The following ZMIZ2 variants were observed in gnomAD, a reference collection of about 807,000 sequenced individuals.
ZMIZ2 encodes zinc finger MIZ-type containing 2, also known as zinc finger MIZ domain-containing protein 2.
In ZMIZ2, 26 loss-of-function variants were observed where a neutral mutation model predicts 93.9. That is an observed-to-expected ratio of 0.28 (90% confidence interval 0.20 to 0.38). ZMIZ2 has a LOEUF of 0.38. Among genes scored for constraint, ZMIZ2 ranks in the 10% least tolerant of loss-of-function variants. The probability of loss-of-function intolerance (pLI) is 1.00; values close to 1 mark genes in which losing one functional copy is unlikely to be tolerated. For synonymous variants in ZMIZ2, 485 were observed against 516.4 expected, an observed-to-expected ratio of 0.94 and a Z score of 0.82; for missense variants, 1,023 against 1,235.0, an observed-to-expected ratio of 0.83 and a Z score of 2.57.
chr7:44,762,595 G>C (rs1791313314), intron 11 of ZMIZ2, among the ~76,000 whole-genome samples: 1 of 152,224 alleles, frequency 6.6e-6, no homozygotes, highest in Non-Finnish European at 1.5e-5. Context: ...TTCTCTTCAT[G>C]GAGAAGTGGT....
At position 44,769,375 on chromosome 7, in the gene ZMIZ2, CTG is replaced by C. The variant is rs1791987359; in HGVS notation, c.*1753_*1754del. 2 of 152,808 alleles carry C rather than the reference CTG, an allele frequency of 1.3e-5. No homozygotes were observed. The highest frequency in any genetic ancestry group is 2.9e-5 in the Non-Finnish European group (2 of 68,272). 9.5% of individuals were successfully genotyped at this position (152,808 alleles called of 1,614,324 possible). On this transcript the variant is annotated 3_prime_UTR_variant, in exon 19 of 19. Coordinates refer to ENST00000309315, the MANE Select transcript of ZMIZ2 (RefSeq NM_031449.4). ...GCAGGGAGGAGGAGGAGGGAGGTAT[CTG>C]GTGTGAGCGTTGCCCCTGCGACATT... is the stretch of plus-strand genomic sequence containing the variant.
At chr7:44,755,484 A>G (rs1790512278) in intron 1 of ZMIZ2, among the ~76,000 whole-genome samples, 1 of 151,954 alleles carries the variant, frequency 6.6e-6, no homozygotes, top group Non-Finnish European at 1.5e-5. Flanking sequence ...CCCTTCTACT[A>G]CCCTAAAGAG....
At chr7:44,759,525 TG>T in intron 7 of ZMIZ2, 65 bp downstream of exon 7, 1 of 1,264,258 alleles carries the variant, frequency 7.9e-7, no homozygotes, top group Non-Finnish European at 1.0e-6. Flanking sequence ...CAGGGGACCT[TG>T]GGGCAGTCCT....
rs1028974607 is a variant in ZMIZ2 at position 44,756,971 on chromosome 7, G to A, written c.190G>A (p.Ala64Thr). 1.2e-6 allele frequency: 2 copies of A among 1,612,016 alleles called. No homozygotes were observed. Among genetic ancestry groups the A allele is most frequent in the Non-Finnish European group, 8.5e-7 (1 of 1,179,348 alleles). Reference protein sequence around the residue: ...SQVLGNPMGPAGSPSGSSMMP... With the variant: ...SQVLGNPMGPTGSPSGSSMMP... The stretch of plus-strand genomic sequence containing the variant: ...GGTTTTGGGGAACCCCATGGGCCCT[G>A]CAGGGAGTCCCTCTGGCAGCTCCAT... Residue 64 changes from alanine to threonine, a missense_variant, in exon 4 of 19, where the codon GCA (alanine) becomes ACA (threonine). Around this residue, in one of 3 missense-constraint regions of ZMIZ2, gnomAD observed 656 missense variants for 777.1 expected, o/e 0.84. Transcript: ENST00000309315.
rs1791982606 is a variant in ZMIZ2, at chr7:44,769,313, C to G, written c.*1690C>G. 6.5e-6 allele frequency: 1 copy of G among 152,782 alleles called. No individual in the cohort carries two copies. Among genetic ancestry groups the G allele is most frequent in the African/African-American group, 2.4e-5 (1 of 41,452 alleles). The allele number at this position is 152,782 out of a possible 1,614,324, so 9.5% of individuals were successfully genotyped here. ...CGGCCAAGGCCTGCCCCTGGAGGCA[C>G]TAGAGGAGGGCATCTGTCTGTGGGA... On this transcript the variant is annotated 3_prime_UTR_variant, in exon 19 of 19. Coordinates refer to ENST00000309315, the MANE Select transcript of ZMIZ2 (RefSeq NM_031449.4).
At chr7:44,762,742 C>A in intron 11 of ZMIZ2, 139 bp from the exon 12 acceptor site, 3 of 578,846 alleles carry the variant, frequency 5.2e-6, no homozygotes, top group South Asian at 2.8e-5. Flanking sequence ...TGAATCCCCA[C>A]CCCCAGCTCA....
Position 44,761,383 on chromosome 7 carries a change from C to T in ZMIZ2, c.1241-66C>T. 2.5e-6 allele frequency: 4 copies of T among 1,574,928 alleles called. No homozygotes were observed. The highest frequency in any genetic ancestry group is 1.7e-4 in the Middle Eastern group (1 of 5,902). The stretch of plus-strand genomic sequence containing the variant: ...AAGGTGGCTGGGGAGCCGCTGCCCT[C>T]CTTGAGTGACACAAGACGCTCTGGC... On this transcript the variant is annotated intron_variant, in intron 9 of 18. Coordinates refer to ENST00000309315, the MANE Select transcript of ZMIZ2 (RefSeq NM_031449.4). This position sits in a 1 kb window ranked among gnomAD's most constrained non-coding sequence, Gnocchi z 5.8.
rs1791855285 is a variant in ZMIZ2, at chr7:44,767,628, G to A, written c.*5G>A. ...TCTCTGTTTGAGAACAACTGATCCTGTGTTTACCCCAAGCCCGGCGGGGAC... is the reference window on the plus strand; with the variant it reads ...TCTCTGTTTGAGAACAACTGATCCTATGTTTACCCCAAGCCCGGCGGGGAC... On this transcript the variant is annotated 3_prime_UTR_variant, in exon 19 of 19. Coordinates refer to ENST00000309315, the MANE Select transcript of ZMIZ2 (RefSeq NM_031449.4). 6.2e-7 allele frequency: 1 copy of A among 1,613,560 alleles called. No homozygotes were observed. Among genetic ancestry groups the A allele is most frequent in the Non-Finnish European group, 8.5e-7 (1 of 1,179,574 alleles).
Position 44,761,345 on chromosome 7 carries a change from G to A in ZMIZ2, c.1241-104G>A, listed in dbSNP as rs554212826. 1.2e-5 allele frequency: 18 copies of A among 1,517,448 alleles called. No individual in the cohort carries two copies. The African/African-American group carries it at 2.5e-4, about 21-fold the overall frequency. The allele number at this position is 1,517,448 out of a possible 1,614,324, so 94.0% of individuals were successfully genotyped here. A position where few individuals can be genotyped will look rare whatever the true frequency, so the allele number is the denominator to read the frequency against. ...TGACAGGAGGGGCTCCCTTCACCAAGGTCCCTGCGGGGAAGGTGGCTGGGG... is the reference window on the plus strand; with the variant it reads ...TGACAGGAGGGGCTCCCTTCACCAAAGTCCCTGCGGGGAAGGTGGCTGGGG... On this transcript the variant is annotated intron_variant, in intron 9 of 18. Coordinates refer to ENST00000309315, the MANE Select transcript of ZMIZ2 (RefSeq NM_031449.4). The surrounding 1 kb of genome is among the most constrained non-coding windows in gnomAD (Gnocchi z 5.8).
At position 44,766,716 on chromosome 7, in the gene ZMIZ2, G is replaced by A. The variant is rs1791748071; in HGVS notation, c.2655+53G>A. Reference sequence around the variant, plus strand: ...TGCGTGGGAGCCAGGGCTAGAGGTGGTGTGTCTGTTCCAGGTGCGTTCTGG... The same window carrying A: ...TGCGTGGGAGCCAGGGCTAGAGGTGATGTGTCTGTTCCAGGTGCGTTCTGG... On this transcript the variant is annotated intron_variant, in intron 18 of 18. Coordinates refer to ENST00000309315, the MANE Select transcript of ZMIZ2 (RefSeq NM_031449.4). This position sits in a 1 kb window ranked among gnomAD's most constrained non-coding sequence, Gnocchi z 4.4. 2 of 1,599,824 alleles carry A rather than the reference G, an allele frequency of 1.3e-6. No individual in the cohort carries two copies. Among genetic ancestry groups the A allele is most frequent in the African/African-American group, 2.7e-5 (2 of 74,544 alleles).
Position 44,763,002 on chromosome 7 carries a change from C to T in ZMIZ2, c.1702+16C>T. On this transcript the variant is annotated intron_variant, in intron 12 of 18. Transcript: ENST00000309315. The surrounding 1 kb of genome is among the most constrained non-coding windows in gnomAD (Gnocchi z 5.6). The stretch of plus-strand genomic sequence containing the variant: ...ATCACCAAGAGTGAGTGGCTCCTGC[C>T]CCTCAGCTGCCAGGCAGCCATCCCC... 6.2e-7 allele frequency: 1 copy of T among 1,600,168 alleles called. No individual in the cohort carries two copies. Among genetic ancestry groups the T allele is most frequent in the South Asian group, 1.1e-5 (1 of 90,236 alleles).
Position 44,761,975 on chromosome 7 carries a change from T to G in ZMIZ2, c.1596+70T>G. On this transcript the variant is annotated intron_variant, in intron 11 of 18. Transcript: ENST00000309315. This position sits in a 1 kb window ranked among gnomAD's most constrained non-coding sequence, Gnocchi z 5.8. ...GGTGTGGTGGGGCCTGGCCCAGCGG[T>G]GCCGTGGGGTGGGGCGGGGTGTGGG... The G allele has an allele frequency of 1.0e-5, 3 of 294,328 alleles. No individual in the cohort carries two copies. The highest frequency in any genetic ancestry group is 3.5e-5 in the South Asian group (1 of 28,638). 18.2% of individuals were successfully genotyped at this position (294,328 alleles called of 1,614,324 possible). A position where few individuals can be genotyped will look rare whatever the true frequency, so the allele number is the denominator to read the frequency against.
At chr7:44,750,402 T>C (rs1790033982) in intron 1 of ZMIZ2, among the ~76,000 whole-genome samples, 2 of 152,112 alleles carry the variant, frequency 1.3e-5, no homozygotes, top group Admixed American at 1.3e-4. Context: ...GTACCCCACT[T>C]TTTGCTACCA....
Position 44,767,769 on chromosome 7 carries a change from C to A in ZMIZ2, c.*146C>A. 1.4e-6 allele frequency: 1 copy of A among 719,184 alleles called. No individual in the cohort carries two copies. The highest frequency in any genetic ancestry group is 2.4e-6 in the Non-Finnish European group (1 of 425,050). The allele number at this position is 719,184 out of a possible 1,614,324, so 44.6% of individuals were successfully genotyped here. A position where few individuals can be genotyped will look rare whatever the true frequency, so the allele number is the denominator to read the frequency against. On this transcript the variant is annotated 3_prime_UTR_variant, in exon 19 of 19. Coordinates refer to ENST00000309315, the MANE Select transcript of ZMIZ2 (RefSeq NM_031449.4). ...TGGAGCCAGAGCCTTCTGCCGCCAG[C>A]CCTGCCCCTGAATTGGAAGCAGCCC...
intron 1 of ZMIZ2, among the ~76,000 whole-genome samples, chr7:44,751,492 C>A (rs564675948): frequency 2.6e-5 from 4 of 151,138 alleles, no homozygotes; most frequent in Non-Finnish European, 5.9e-5. Context: ...CCTTTGACCA[C>A]GGGCGGGGGA....
At chr7:44,754,070 C>T (rs1029639712) in intron 1 of ZMIZ2, among the ~76,000 whole-genome samples, 16 of 152,314 alleles carry the variant, frequency 1.1e-4, no homozygotes, top group African/African-American at 3.8e-4. Context: ...TTTTGATTAC[C>T]ATATCTATAT....
In ZMIZ2 at chr7:44,765,415, A is replaced by T; in HGVS notation, c.2078A>T (p.Glu693Val). Residue 693 changes from glutamate to valine, a missense_variant, in exon 16 of 19, where the codon GAG becomes GTG. Coordinates refer to ENST00000309315, the MANE Select transcript of ZMIZ2 (RefSeq NM_031449.4). This position sits in a 1 kb window ranked among gnomAD's most constrained non-coding sequence, Gnocchi z 4.1. Reference protein sequence around the residue: ...VPVKPDMHIKEEPDGPALKRC... With the variant: ...VPVKPDMHIKVEPDGPALKRC... Reference sequence around the variant, plus strand: ...GTGAAGCCTGACATGCACATCAAGGAGGAGCCGGATGGGCCAGCACTGAAG... The same window carrying T: ...GTGAAGCCTGACATGCACATCAAGGTGGAGCCGGATGGGCCAGCACTGAAG... 6.8e-6 allele frequency: 11 copies of T among 1,612,260 alleles called. No individual in the cohort carries two copies. The highest frequency in any genetic ancestry group is 9.3e-6 in the Non-Finnish European group (11 of 1,179,992).
rs772072381 is a variant in ZMIZ2 at position 44,756,488 on chromosome 7, G to A, written c.114G>A (p.Ser38=). ...AAAGCGCCACTCAGCCGGCTGGATCGCTGTCTGTGGTCACTACTGTGTGGG... is the reference window on the plus strand; with the variant it reads ...AAAGCGCCACTCAGCCGGCTGGATCACTGTCTGTGGTCACTACTGTGTGGG... ...WQQSATQPAG[S]LSVVTTVWGV... is the part of the protein sequence containing the mutation. The change falls in exon 3 of 19, where the codon TCG becomes TCA. Residue 38 remains serine, a synonymous_variant. Transcript: ENST00000309315. The A allele has an allele frequency of 2.8e-5, 46 of 1,614,038 alleles. No individual in the cohort carries two copies. Among genetic ancestry groups the A allele is most frequent in the Middle Eastern group, 1.6e-4 (1 of 6,062 alleles).
In ZMIZ2 at chr7:44,762,940, C is replaced by T. The variant is rs760781182; in HGVS notation, c.1656C>T (p.Gly552=). The change falls in exon 12 of 19, where the codon GGC becomes GGT. Residue 552 remains glycine (G), a synonymous_variant. Transcript: ENST00000309315. ...HRPSVRSVLQ[G]LLKKRLLPAE... ...CATCCGTCCGCTCGGTGCTGCAGGG[C>T]CTCCTCAAAAAGCGCCTCCTGCCTG... 5 of 1,613,636 alleles carry T rather than the reference C, an allele frequency of 3.1e-6. 1 individual carries two copies. In the South Asian group the frequency reaches 5.5e-5, roughly 18 times the overall value.
Sources: allele counts gnomAD v4.1 joint callset (sites outside exome capture counted in the v4.1 genomes callset), GRCh38; gene constraint gnomAD v4.1.1; regional missense constraint gnomAD v4.1.1; non-coding constraint Gnocchi (gnomAD v3.1); transcripts MANE v1.5; gene names NCBI Gene and HGNC (gene_info 2026-07-23, HGNC 2026-07-21).